RPS6KA2: variants seen among roughly 807,000 people sequenced by gnomAD.
RPS6KA2 encodes the protein ribosomal protein S6 kinase A2, also known as ribosomal protein S6 kinase alpha-2.
Under a neutral mutation model 91.8 loss-of-function variants are expected in RPS6KA2, and 42 were observed. The observed-to-expected ratio is 0.46, with a 90% CI of 0.36 to 0.59. RPS6KA2 has a LOEUF of 0.59. Ranked by LOEUF, RPS6KA2 falls within the 20% of genes least tolerant of loss-of-function variation. RPS6KA2 has a pLI of 0.00. For synonymous variants in RPS6KA2, 414 were observed against 393.6 expected (o/e 1.05, Z -0.61); for missense variants, 798 against 978.5 (o/e 0.82, Z 2.46).
chr6:166,861,593 C>A (rs1781048299), intron 1 of RPS6KA2, among the ~76,000 whole-genome samples: 1 of 152,224 alleles, frequency 6.6e-6, no homozygotes, highest in African/African-American at 2.4e-5. Flanking sequence ...TTTAATCACA[C>A]CTCTTTATCT....
rs1787706393 is a variant in RPS6KA2, at chr6:166,648,069, C to G, written c.124-109285G>C. ...ACACATGCACATGCTCACACACATG[C>G]ACACGCACATGGTCATACACACACG... On this transcript the variant is annotated intron_variant, in intron 2 of 21. Transcript: ENST00000503859. The surrounding 1 kb of genome is among the most constrained non-coding windows in gnomAD (Gnocchi z 4.8). Among the ~76,000 whole-genome samples the G allele has an allele frequency of 6.6e-6, 1 of 151,488 alleles. No individual in the cohort carries two copies. Among genetic ancestry groups the G allele is most frequent in the African/African-American group, 2.4e-5 (1 of 41,164 alleles).
At chr6:166,760,831 C>T (rs893053031) in intron 2 of RPS6KA2, among the ~76,000 whole-genome samples, 3 of 152,176 alleles carry the variant, frequency 2.0e-5, no homozygotes, top group Non-Finnish European at 4.4e-5. Flanking sequence ...TTACAGTTAT[C>T]CTAAATACAA....
chr6:166,420,274 T>A (rs1353499173), intron 17 of RPS6KA2, among the ~76,000 whole-genome samples: 1 of 152,200 alleles, frequency 6.6e-6, no homozygotes, highest in African/African-American at 2.4e-5. Flanking sequence ...AAATTGACCA[T>A]CAAAGCCCTT....
At chr6:166,541,163 C>T (rs566017540) in intron 1 of RPS6KA2, among the ~76,000 whole-genome samples, 1 of 152,298 alleles carries the variant, frequency 6.6e-6, no homozygotes, top group African/African-American at 2.4e-5. Flanking sequence ...AAAGGAATCA[C>T]CACCAAAGCA....
At chr6:166,830,227 A>C (rs1780152625) in intron 2 of RPS6KA2, among the ~76,000 whole-genome samples, 1 of 152,226 alleles carries the variant, frequency 6.6e-6, no homozygotes. Flanking sequence ...CATTACGCTA[A>C]GTGAATATAC....
intron 1 of RPS6KA2, among the ~76,000 whole-genome samples, chr6:166,584,290 C>T (rs1785105870): frequency 6.6e-6 from 1 of 152,236 alleles, no homozygotes; most frequent in African/African-American, 2.4e-5. Flanking sequence ...TCTGAGGACA[C>T]TACTCCCATC....
At chr6:166,841,903 G>A (rs1319953034) in intron 2 of RPS6KA2, among the ~76,000 whole-genome samples, 3 of 152,166 alleles carry the variant, frequency 2.0e-5, no homozygotes, top group Non-Finnish European at 4.4e-5. Flanking sequence ...GCTATGACCA[G>A]GAGTTTGTGG....
chr6:166,591,123 C>T (rs1785340866), intron 1 of RPS6KA2, among the ~76,000 whole-genome samples: 1 of 152,222 alleles, frequency 6.6e-6, no homozygotes, highest in African/African-American at 2.4e-5. Context: ...AAGGTTGCAG[C>T]CCAGGCATTT....
chr6:166,423,408 G>A lies in RPS6KA2; in HGVS notation c.1591C>T (p.Arg531Ter). Residue 531 changes from arginine (R) to a stop codon, truncating the protein, a stop_gained, in exon 17 of 21, where the codon CGA becomes TGA. Coordinates refer to ENST00000265678, the MANE Select transcript of RPS6KA2 (RefSeq NM_021135.6). LOFTEE classifies it high-confidence loss of function. The surrounding 1 kb of genome is among the most constrained non-coding windows in gnomAD (Gnocchi z 4.8). ...AGGATGTTACTCGGCTTCAGGTCTC[G>A]ATGAACAACCTGCAAGACAGAAGGC... ...DYLHSQGVVH[R>*]DLKPSNILYR... 6.2e-7 allele frequency: 1 copy of A among 1,608,866 alleles called. No individual in the cohort carries two copies. Among genetic ancestry groups the A allele is most frequent in the Non-Finnish European group, 8.5e-7 (1 of 1,175,720 alleles).
intron 2 of RPS6KA2, among the ~76,000 whole-genome samples, chr6:166,758,321 C>T (rs1026620455): frequency 8.5e-5 from 13 of 152,232 alleles, no homozygotes; most frequent in Non-Finnish European, 1.8e-4. Flanking sequence ...CATGCACGTT[C>T]TCTCTACAAG....
Position 166,821,491 on chromosome 6 carries a change from G to A in RPS6KA2, c.123+36709C>T, listed in dbSNP as rs1178219738. Among the ~76,000 whole-genome samples, 1 of 152,082 alleles carries A rather than the reference G, an allele frequency of 6.6e-6. No homozygotes were observed. The highest frequency in any genetic ancestry group is 6.5e-5 in the Admixed American group (1 of 15,272). ...AGAAATCCCGGCTTCTCCTGTAAAC[G>A]CTGCAGTCAGTCTCCATCCTTAGCC... On this transcript the variant is annotated intron_variant, in intron 2 of 21. Transcript: ENST00000503859. This position sits in a 1 kb window ranked among gnomAD's most constrained non-coding sequence, Gnocchi z 4.1.
rs1457998553 is a variant in RPS6KA2 at position 166,862,238 on chromosome 6, C to A, written c.-68G>T. 4.3e-6 allele frequency: 7 copies of A among 1,610,260 alleles called. No individual in the cohort carries two copies. In the African/African-American group the frequency reaches 5.3e-5, roughly 12 times the overall value. On this transcript the variant is annotated 5_prime_UTR_variant, in exon 1 of 22. Coordinates refer to the RPS6KA2 transcript ENST00000503859. Reference sequence around the variant, plus strand: ...AAAGGAAATAAACAGAGGCTCGGACCGGCACAGGGGGACGGCCAGACGGGA... The same window carrying A: ...AAAGGAAATAAACAGAGGCTCGGACAGGCACAGGGGGACGGCCAGACGGGA...
chr6:166,455,516 G>A (rs892485540), intron 12 of RPS6KA2, among the ~76,000 whole-genome samples: 1 of 152,198 alleles, frequency 6.6e-6, no homozygotes, highest in African/African-American at 2.4e-5. Flanking sequence ...CCAGGTAGAT[G>A]CCCACGCGAC....
At chr6:166,799,228 CA>C (rs1779300395) in intron 2 of RPS6KA2, among the ~76,000 whole-genome samples, 1 of 152,224 alleles carries the variant, frequency 6.6e-6, no homozygotes, top group South Asian at 2.1e-4. Flanking sequence ...TGAACCCGGG[CA>C]GGGGCCCATC....
chr6:166,658,525 G>A (rs1788064925), intron 2 of RPS6KA2, among the ~76,000 whole-genome samples: 1 of 152,118 alleles, frequency 6.6e-6, no homozygotes. Flanking sequence ...GGGGGTCAGA[G>A]ACCACTTCAA....
At chr6:166,801,362 A>T (rs1779361186) in intron 2 of RPS6KA2, among the ~76,000 whole-genome samples, 1 of 152,106 alleles carries the variant, frequency 6.6e-6, no homozygotes, top group African/African-American at 2.4e-5. Context: ...ATTTATTTTG[A>T]GATGAGGACT....
chr6:166,819,473 A>T (rs1779849287), intron 2 of RPS6KA2, among the ~76,000 whole-genome samples: 1 of 152,300 alleles, frequency 6.6e-6, no homozygotes, highest in Middle Eastern at 3.4e-3. Flanking sequence ...GGACCTGTGA[A>T]TGCAGAAAGT....
At chr6:166,694,162 G>A (rs755611952) in intron 2 of RPS6KA2, among the ~76,000 whole-genome samples, 3 of 152,180 alleles carry the variant, frequency 2.0e-5, no homozygotes, top group Non-Finnish European at 4.4e-5. Context: ...TCCCACACAC[G>A]GAGGTTCTTT....
At chr6:166,689,117 G>T (rs1028418907) in intron 2 of RPS6KA2, among the ~76,000 whole-genome samples, 3 of 152,376 alleles carry the variant, frequency 2.0e-5, no homozygotes, top group Non-Finnish European at 4.4e-5. Flanking sequence ...GGCTCTGGCC[G>T]CCCTGTGCCT....
Sources: gnomAD v4.1 joint callset for allele counts (sites outside exome capture counted in the v4.1 genomes callset) on GRCh38, gnomAD v4.1.1 for gene constraint, Gnocchi (gnomAD v3.1) non-coding constraint, MANE v1.5 for transcripts, NCBI Gene and HGNC (gene_info 2026-07-23, HGNC 2026-07-21) for gene names.